Variants in C10orf53 observed in about 807,000 individuals in gnomAD.
The protein encoded by C10orf53 is chromosome 10 open reading frame 53.
A neutral mutation model predicts 9.4 loss-of-function variants in C10orf53; 8 were observed. That is an observed-to-expected ratio of 0.85 (90% confidence interval 0.50 to 1.53). The LOEUF (loss-of-function observed/expected upper bound fraction) is 1.53. Ranked by LOEUF, C10orf53 falls within the 40% of genes most tolerant of loss-of-function variation. The probability of loss-of-function intolerance (pLI) is 0.00; values close to 1 mark genes in which losing one functional copy is unlikely to be tolerated. For synonymous variants in C10orf53, 48 were observed against 46.0 expected (o/e 1.04, Z -0.18); for missense variants, 117 against 117.8 (o/e 0.99, Z 0.03).
chr10:49,686,896 G>A (rs1326754376), intron 1 of C10orf53, among the ~76,000 whole-genome samples: 9 of 152,166 alleles, frequency 5.9e-5, no homozygotes, highest in African/African-American at 1.9e-4. Flanking sequence ...CCTACTCCCT[G>A]TTGGTACACC....
chr10:49,700,485 G>A (rs1466123896), downstream of C10orf53, among the ~76,000 whole-genome samples: 1 of 152,182 alleles, frequency 6.6e-6, no homozygotes, highest in African/African-American at 2.4e-5. Context: ...TGGGCCTCAT[G>A]TTCTTGGGCC....
At chr10:49,692,906 C>CT (rs1324104304) in intron 1 of C10orf53, among the ~76,000 whole-genome samples, 1 of 152,116 alleles carries the variant, frequency 6.6e-6, no homozygotes, top group African/African-American at 2.4e-5. Context: ...TTCTAAAAAA[C>CT]TTTTTTTCAG....
chr10:49,699,190 C>CTTTTT (rs67695235), downstream of C10orf53, among the ~76,000 whole-genome samples: 1,364 of 64,858 alleles, frequency 0.021, 349 homozygotes, highest in African/African-American at 0.055. Context: ...GTGGCTCAAT[C>CTTTTT]TTTTTTTTTT....
Position 49,696,307 on chromosome 10 carries a change from G to C in C10orf53, c.*1705G>C, listed in dbSNP as rs567193388. On this transcript the variant is annotated 3_prime_UTR_variant, in exon 3 of 3. Transcript: ENST00000374111. ...TCTTGAATCAGGAAATCTCTCCCTTGAGCTGTGATTTCTACTTTCATGGCC... is the reference window on the plus strand; with the variant it reads ...TCTTGAATCAGGAAATCTCTCCCTTCAGCTGTGATTTCTACTTTCATGGCC... 9.3e-4 allele frequency among the ~76,000 whole-genome samples: 141 copies of C among 152,188 alleles called. No homozygotes were observed. The highest frequency in any genetic ancestry group is 3.1e-3 in the African/African-American group (130 of 41,508).
chr10:49,692,152 C>T (rs1483880327), intron 1 of C10orf53, among the ~76,000 whole-genome samples: 3 of 152,146 alleles, frequency 2.0e-5, no homozygotes. Context: ...TTAAACAAGT[C>T]GTGGGTCCAA....
At chr10:49,689,750 T>G (rs1258269) in intron 1 of C10orf53, among the ~76,000 whole-genome samples, 144,399 of 152,200 alleles carry the variant, frequency 0.95, 68,836 homozygotes, top group Middle Eastern at 1. Flanking sequence ...AACAAAGCAT[T>G]GTCCTGAATG....
chr10:49,696,471 C>A lies in C10orf53; in HGVS notation c.*1869C>A, dbSNP rs1385083989. 6.6e-6 allele frequency among the ~76,000 whole-genome samples: 1 copy of A among 152,206 alleles called. No individual in the cohort carries two copies. Among genetic ancestry groups the A allele is most frequent in the African/African-American group, 2.4e-5 (1 of 41,456 alleles). On this transcript the variant is annotated 3_prime_UTR_variant, in exon 3 of 3. Transcript: ENST00000374111. ...GGCATTAAACTGGTAACAAGTGCTT[C>A]CCTCGGCAGCCCCATGCCCTCCTCC...
At chr10:49,686,312 G>A (rs201816927) in intron 1 of C10orf53, among the ~76,000 whole-genome samples, 3 of 152,110 alleles carry the variant, frequency 2.0e-5, no homozygotes, top group Admixed American at 2.0e-4. Flanking sequence ...TTCATAAACT[G>A]AGAATGTACG....
chr10:49,689,050 C>G (rs1462338354), intron 1 of C10orf53, among the ~76,000 whole-genome samples: 2 of 152,158 alleles, frequency 1.3e-5, no homozygotes, highest in Non-Finnish European at 2.9e-5. Context: ...TGCTGGGTCC[C>G]AGCCCAGAGC....
At chr10:49,699,188 A>ATTTTTT (rs1210027084), downstream of C10orf53, among the ~76,000 whole-genome samples, 181 of 47,710 alleles carry the variant, frequency 3.8e-3, no homozygotes, top group East Asian at 9.7e-3. Flanking sequence ...TGGTGGCTCA[A>ATTTTTT]TCTTTTTTTT....
At chr10:49,685,778 A>T (rs1840522687) in intron 1 of C10orf53, among the ~76,000 whole-genome samples, 1 of 152,060 alleles carries the variant, frequency 6.6e-6, no homozygotes. Context: ...TTGTCTTTTG[A>T]CAATTTGTTT....
chr10:49,703,457 GA>G (rs558908151), intron 2 of C10orf53, among the ~76,000 whole-genome samples: 467 of 152,056 alleles, frequency 3.1e-3, no homozygotes, highest in Middle Eastern at 0.01. Context: ...GAAAAGGACC[GA>G]AAATTGGAGC....
chr10:49,703,931 T>C (rs1433855367), intron 2 of C10orf53, among the ~76,000 whole-genome samples: 1 of 152,188 alleles, frequency 6.6e-6, no homozygotes, highest in Non-Finnish European at 1.5e-5. Flanking sequence ...TAGTATATGA[T>C]AAAGGGCCTC....
chr10:49,689,050 C>T (rs1462338354), intron 1 of C10orf53, among the ~76,000 whole-genome samples: 2 of 152,158 alleles, frequency 1.3e-5, no homozygotes, highest in Non-Finnish European at 2.9e-5. Context: ...TGCTGGGTCC[C>T]AGCCCAGAGC....
chr10:49,684,675 A>G (rs1840510864), intron 1 of C10orf53, among the ~76,000 whole-genome samples: 1 of 152,222 alleles, frequency 6.6e-6, no homozygotes, highest in Non-Finnish European at 1.5e-5. Flanking sequence ...GTGTGTAGAA[A>G]TACAACTGCT....
intron 1 of C10orf53, among the ~76,000 whole-genome samples, chr10:49,686,575 G>A (rs1469223498): frequency 1.3e-5 from 2 of 152,112 alleles, no homozygotes; most frequent in East Asian, 1.9e-4. Context: ...TAATAATTGA[G>A]AACCTGGGAA....
At chr10:49,683,530 A>G (rs1840499014) in intron 1 of C10orf53, among the ~76,000 whole-genome samples, 1 of 152,210 alleles carries the variant, frequency 6.6e-6, no homozygotes, top group Non-Finnish European at 1.5e-5. Flanking sequence ...AATTTTAATG[A>G]AGTCCAATTT....
downstream of C10orf53, among the ~76,000 whole-genome samples, chr10:49,699,899 C>CA (rs989122814): frequency 5.9e-5 from 9 of 151,994 alleles, no homozygotes; most frequent in East Asian, 5.8e-4. Context: ...GCTCATCCCC[C>CA]CCGAGATCAG....
chr10:49,680,857 T>G (rs1275137971), intron 1 of C10orf53, among the ~76,000 whole-genome samples: 2 of 152,208 alleles, frequency 1.3e-5, no homozygotes, highest in Non-Finnish European at 2.9e-5. Context: ...GATGGATGGA[T>G]GTACTGTCCA....
Sources: allele counts gnomAD v4.1 joint callset (sites outside exome capture counted in the v4.1 genomes callset), GRCh38; gene constraint gnomAD v4.1.1; transcripts MANE v1.5; gene names NCBI Gene and HGNC (gene_info 2026-07-23, HGNC 2026-07-21).